Variants in HMGCLL1 observed in about 807,000 individuals in gnomAD.
HMGCLL1 encodes 3-hydroxymethyl-3-methylglutaryl-CoA lyase, cytoplasmic.
HMGCLL1 carries 36 observed loss-of-function variants against 39.1 expected under a neutral mutation model. The observed-to-expected ratio is 0.92, with a 90% CI of 0.71 to 1.22. The LOEUF is 1.22. Among genes scored for constraint, HMGCLL1 ranks in the 50% most tolerant of loss-of-function variants. HMGCLL1 has a pLI of 0.00. For missense variants in HMGCLL1, 451 were observed against 416.5 expected, an observed-to-expected ratio of 1.08 and a Z score of -0.72; for synonymous variants, 149 against 144.0, an observed-to-expected ratio of 1.03 and a Z score of -0.25.
intron 1 of HMGCLL1, among the ~76,000 whole-genome samples, chr6:55,560,636 A>C (rs1027797118): frequency 1.8e-4 from 28 of 152,078 alleles, no homozygotes; most frequent in African/African-American, 6.8e-4. Context: ...TAAACCTTCC[A>C]ATCACTTATT....
intron 3 of HMGCLL1, among the ~76,000 whole-genome samples, chr6:55,536,545 C>A (rs1216574813): frequency 6.6e-6 from 1 of 152,096 alleles, no homozygotes; most frequent in Non-Finnish European, 1.5e-5. Context: ...TTGCAATAAA[C>A]TTTATCTATT....
chr6:55,487,299 GT>G (rs1459636317), intron 7 of HMGCLL1, among the ~76,000 whole-genome samples: 1 of 151,680 alleles, frequency 6.6e-6, no homozygotes, highest in Non-Finnish European at 1.5e-5. Context: ...GATCTTGTTT[GT>G]TTGTTTTTAT....
intron 7 of HMGCLL1, among the ~76,000 whole-genome samples, chr6:55,474,136 T>C (rs1247801235): frequency 1.3e-5 from 2 of 151,592 alleles, no homozygotes; most frequent in Non-Finnish European, 3.0e-5. Context: ...CCCGGATCTA[T>C]GGGTTCATGG....
At chr6:55,624,176 C>T in the HMGCLL1 span, among the ~76,000 whole-genome samples, 32 of 152,152 alleles carry the variant, frequency 2.1e-4, no homozygotes, top group Admixed American at 3.9e-4. Flanking sequence ...TTAGTGCCAC[C>T]TTCAAGGACT....
At chr6:55,661,570 T>C in the HMGCLL1 span, among the ~76,000 whole-genome samples, 11 of 152,130 alleles carry the variant, frequency 7.2e-5, no homozygotes, top group Admixed American at 6.6e-4. Context: ...CATTGGTATG[T>C]GTATCTGTTT....
At chr6:55,644,033 T>C in the HMGCLL1 span, among the ~76,000 whole-genome samples, 10 of 152,120 alleles carry the variant, frequency 6.6e-5, no homozygotes, top group African/African-American at 2.4e-4. Flanking sequence ...CAGTTTACTC[T>C]GGTTCCCTTT....
At chr6:55,640,556 A>G in the HMGCLL1 span, among the ~76,000 whole-genome samples, 29 of 151,742 alleles carry the variant, frequency 1.9e-4, no homozygotes, top group Admixed American at 1.3e-3. Flanking sequence ...CACATTCAAG[A>G]TTGTGTTATC....
intron 3 of HMGCLL1, among the ~76,000 whole-genome samples, chr6:55,539,998 G>A (rs13437373): frequency 0.023 from 147 of 6,444 alleles, 5 homozygotes; most frequent in East Asian, 0.085. Context: ...GGAAGGAAGG[G>A]AGGGAGGGAG....
the HMGCLL1 span, among the ~76,000 whole-genome samples, chr6:55,612,388 A>T: frequency 6.6e-6 from 1 of 152,210 alleles, no homozygotes; most frequent in African/African-American, 2.4e-5. Context: ...TAATTTATAG[A>T]TTCAATGCTA....
the HMGCLL1 span, among the ~76,000 whole-genome samples, chr6:55,645,609 G>A: frequency 2.0e-5 from 3 of 151,854 alleles, no homozygotes; most frequent in Admixed American, 6.6e-5. Flanking sequence ...TAACAGGAAG[G>A]GATATTGAAC....
intron 7 of HMGCLL1, among the ~76,000 whole-genome samples, chr6:55,480,978 T>G (rs1765715005): frequency 6.6e-6 from 1 of 151,978 alleles, no homozygotes; most frequent in Non-Finnish European, 1.5e-5. Context: ...TACCAGAGGC[T>G]AGGAAGGGTA....
At chr6:55,483,022 A>G (rs1423845975) in intron 7 of HMGCLL1, among the ~76,000 whole-genome samples, 3 of 152,186 alleles carry the variant, frequency 2.0e-5, no homozygotes, top group Admixed American at 6.6e-5. Context: ...TCCCAATCAG[A>G]AGAAATCTAT....
At chr6:55,581,857 T>C (rs1286376733), upstream of HMGCLL1, among the ~76,000 whole-genome samples, 3 of 151,896 alleles carry the variant, frequency 2.0e-5, no homozygotes, top group African/African-American at 7.2e-5. Flanking sequence ...GATACGAACA[T>C]TCACCTCAAA....
chr6:55,647,176 T>A, the HMGCLL1 span, among the ~76,000 whole-genome samples: 1 of 151,984 alleles, frequency 6.6e-6, no homozygotes, highest in South Asian at 2.1e-4. Context: ...TTTTTTAAAG[T>A]TTTTTTCTTG....
At chr6:55,516,677 G>A in intron 3 of HMGCLL1, 74 bp from the exon 4 acceptor site, 1 of 978,558 alleles carries the variant, frequency 1.0e-6, no homozygotes, top group Non-Finnish European at 1.6e-6. Context: ...GTTTCAGGTA[G>A]GTTATAGTTA....
At chr6:55,563,505 T>C (rs1321733380) in intron 1 of HMGCLL1, among the ~76,000 whole-genome samples, 1 of 152,190 alleles carries the variant, frequency 6.6e-6, no homozygotes, top group Non-Finnish European at 1.5e-5. Context: ...CTCCTGGGAA[T>C]TAGTGAAATA....
the HMGCLL1 span, among the ~76,000 whole-genome samples, chr6:55,594,915 G>C: frequency 6.6e-6 from 1 of 152,134 alleles, no homozygotes. Flanking sequence ...AGTATACAGA[G>C]TAGTAAACAC....
At chr6:55,554,758 G>A (rs1442923694) in intron 1 of HMGCLL1, among the ~76,000 whole-genome samples, 9 of 152,100 alleles carry the variant, frequency 5.9e-5, no homozygotes, top group Admixed American at 5.9e-4. Context: ...CAGGTCTAAG[G>A]CGTTTGTTCT....
chr6:55,518,724 C>T (rs1767879134), intron 3 of HMGCLL1, among the ~76,000 whole-genome samples: 1 of 152,062 alleles, frequency 6.6e-6, no homozygotes, highest in African/African-American at 2.4e-5. Context: ...GGAACTGAGG[C>T]CCCCAGCCAA....
Sources: allele counts gnomAD v4.1 joint callset (sites outside exome capture counted in the v4.1 genomes callset), GRCh38; gene constraint gnomAD v4.1.1; transcripts MANE v1.5; gene names NCBI Gene and HGNC (gene_info 2026-07-23, HGNC 2026-07-21).